The following FAN1 variants were observed in gnomAD, a reference collection of about 807,000 sequenced individuals.
The protein encoded by FAN1 is FANCD2 and FANCI associated nuclease 1, also known as fanconi-associated nuclease 1.
In FAN1, 91 loss-of-function variants were observed where a neutral mutation model predicts 104.9. The ratio of observed to expected loss-of-function variants is 0.87; its 90% confidence interval spans 0.73 to 1.03. The LOEUF is 1.03. FAN1 is among the 50% of genes least tolerant of loss of function. The probability of loss-of-function intolerance (pLI) is 0.00; values close to 1 mark genes in which losing one functional copy is unlikely to be tolerated. For synonymous variants in FAN1, 478 were observed against 457.6 expected (o/e 1.04, Z -0.57); for missense variants, 1,263 against 1,239.9 (o/e 1.02, Z -0.28).
chr15:30,939,667 T>C, intron 14 of FAN1: 1 of 560,192 alleles, frequency 1.8e-6, no homozygotes, highest in Non-Finnish European at 2.2e-6. Flanking sequence ...AAAATAAACG[T>C]GAAGGAAGAA....
rs963643211 is a variant in FAN1, at chr15:30,928,497, A to G, written c.2489-56A>G. 2.7e-6 allele frequency: 4 copies of G among 1,493,228 alleles called. No homozygotes were observed. The African/African-American group carries it at 6.4e-5, about 24-fold the overall frequency. 92.5% of individuals were successfully genotyped at this position (1,493,228 alleles called of 1,614,324 possible). ...GGTGGTGTTTTGGAAGAAACAGATAAAACAGATTTTGTGTGTGTGTGTGTG... is the reference window on the plus strand; with the variant it reads ...GGTGGTGTTTTGGAAGAAACAGATAGAACAGATTTTGTGTGTGTGTGTGTG... On this transcript the variant is annotated intron_variant, in intron 10 of 14. Coordinates refer to ENST00000362065, the MANE Select transcript of FAN1 (RefSeq NM_014967.5).
intron 2 of FAN1, among the ~76,000 whole-genome samples, chr15:30,907,316 C>G (rs7165047): frequency 1 from 152,157 of 152,164 alleles, 76,075 homozygotes; most frequent in Middle Eastern, 1. Flanking sequence ...TCATGAGTTC[C>G]AGACTAGCCT....
intron 14 of FAN1, chr15:30,939,111 C>CT: frequency 1.0e-6 from 1 of 985,438 alleles, no homozygotes; most frequent in South Asian, 4.7e-5. Flanking sequence ...CTTGAGGTTA[C>CT]TACTGCAGCA....
intron 13 of FAN1, among the ~76,000 whole-genome samples, chr15:30,931,697 T>TCC (rs1158325825): frequency 6.6e-6 from 1 of 152,174 alleles, no homozygotes; most frequent in African/African-American, 2.4e-5. Flanking sequence ...TCCACTGAAT[T>TCC]CCCTCTGTAT....
intron 14 of FAN1, chr15:30,939,044 A>T (rs1030228849): frequency 1.0e-6 from 1 of 985,454 alleles, no homozygotes; most frequent in Middle Eastern, 5.2e-4. Flanking sequence ...CTTGAACTCA[A>T]GTCATCAATT....
intron 12 of FAN1, among the ~76,000 whole-genome samples, chr15:30,930,210 G>T (rs1255538716): frequency 1.3e-5 from 2 of 151,594 alleles, no homozygotes; most frequent in Non-Finnish European, 2.9e-5. Context: ...TACCTTCTGT[G>T]TTCCTTCAAC....
chr15:30,904,397 G>A (rs1013691846), intron 1 of FAN1, 115 bp from the exon 2 acceptor site: 73 of 543,700 alleles, frequency 1.3e-4, no homozygotes, highest in Middle Eastern at 1.0e-3. Context: ...TCTGTCTCAC[G>A]CTCAGGGTTG....
At chr15:30,930,808 C>T (rs1424692780) in intron 13 of FAN1, 137 bp downstream of exon 13, 1 of 1,056,376 alleles carries the variant, frequency 9.5e-7, no homozygotes, top group Non-Finnish European at 1.4e-6. Flanking sequence ...GCCTGGGTTC[C>T]TGTGGGCCTG....
chr15:30,936,789 A>G (rs2062866929), intron 13 of FAN1, among the ~76,000 whole-genome samples: 1 of 152,240 alleles, frequency 6.6e-6, no homozygotes, highest in Non-Finnish European at 1.5e-5. Context: ...TGCAAACCGT[A>G]GAGTACTGGT....
intron 13 of FAN1, among the ~76,000 whole-genome samples, chr15:30,936,250 T>TA (rs2062850285): frequency 6.6e-6 from 1 of 152,168 alleles, no homozygotes; most frequent in Non-Finnish European, 1.5e-5. Context: ...AGGATATACT[T>TA]AGAGCTGTGA....
At chr15:30,913,666 A>G (rs1465329414) in intron 4 of FAN1, among the ~76,000 whole-genome samples, 192 bp from the exon 5 acceptor site, 1 of 152,198 alleles carries the variant, frequency 6.6e-6, no homozygotes, top group East Asian at 1.9e-4. Context: ...GTGTGGAACC[A>G]TTTGGAGATG....
At chr15:30,926,655 G>A (rs1387982513) in intron 10 of FAN1, 6 of 978,580 alleles carry the variant, frequency 6.1e-6, no homozygotes, top group Non-Finnish European at 7.2e-6. Flanking sequence ...AGTGAAGACA[G>A]AGAGATACAG....
intron 13 of FAN1, 43 bp from the exon 14 acceptor site, chr15:30,937,076 T>C (rs768313444): frequency 1.3e-6 from 2 of 1,549,002 alleles, no homozygotes; most frequent in South Asian, 2.3e-5. Context: ...GGCTTTTCAT[T>C]CAGTAAGATA....
At chr15:30,924,672 T>C (rs1326775579) in intron 8 of FAN1, among the ~76,000 whole-genome samples, 1 of 152,204 alleles carries the variant, frequency 6.6e-6, no homozygotes, top group Non-Finnish European at 1.5e-5. Context: ...GGTTCTTGAC[T>C]GCATATGAGA....
intron 10 of FAN1, 144 bp downstream of exon 10, chr15:30,926,083 A>G (rs2140937259): frequency 1.3e-6 from 1 of 794,536 alleles, no homozygotes; most frequent in Non-Finnish European, 2.0e-6. Context: ...ATGTCTTCCT[A>G]TTCTTCCCCT....
Position 30,927,189 on chromosome 15 carries a change from A to G in FAN1, c.2488+1250A>G, listed in dbSNP as rs146110377. The G allele has an allele frequency of 1.0e-4, 102 of 972,594 alleles. 1 individual carries two copies. In the African/African-American group the frequency reaches 1.7e-3, roughly 16 times the overall value. 60.2% of individuals were successfully genotyped at this position (972,594 alleles called of 1,614,324 possible). A position where few individuals can be genotyped will look rare whatever the true frequency, so the allele number is the denominator to read the frequency against. On this transcript the variant is annotated intron_variant, in intron 10 of 14. Transcript: ENST00000362065. The stretch of plus-strand genomic sequence containing the variant: ...GTGCCACTGCACTCCAGTCTGGGTG[A>G]CAGAGTGAGACCCTGTCTCAAAACA...
chr15:30,925,629 TCA>T (rs1302160310), intron 9 of FAN1, among the ~76,000 whole-genome samples, 158 bp from the exon 10 acceptor site: 3 of 152,226 alleles, frequency 2.0e-5, no homozygotes, highest in Non-Finnish European at 4.4e-5. Flanking sequence ...CAGCGAACTG[TCA>T]CATCCCCGCA....
chr15:30,932,070 A>T (rs2140958723), intron 13 of FAN1, among the ~76,000 whole-genome samples: 1 of 151,940 alleles, frequency 6.6e-6, no homozygotes, highest in East Asian at 1.9e-4. Context: ...AAAATACAAA[A>T]AATTAGCCGG....
chr15:30,936,986 T>C, intron 13 of FAN1, 133 bp from the exon 14 acceptor site: 1 of 717,330 alleles, frequency 1.4e-6, no homozygotes, highest in Non-Finnish European at 2.3e-6. Flanking sequence ...TCCGTATATT[T>C]GTGTTACACT....
Sources: gnomAD v4.1 joint callset for allele counts (sites outside exome capture counted in the v4.1 genomes callset) on GRCh38, gnomAD v4.1.1 for gene constraint, MANE v1.5 for transcripts, NCBI Gene and HGNC (gene_info 2026-07-23, HGNC 2026-07-21) for gene names.